The following CPNE4 variants were observed in gnomAD, a reference collection of about 807,000 sequenced individuals.
CPNE4 encodes the protein copine 4.
In CPNE4, 25 loss-of-function variants were observed where a neutral mutation model predicts 67.9. The ratio of observed to expected loss-of-function variants is 0.37; its 90% CI spans 0.27 to 0.51. The LOEUF (loss-of-function observed/expected upper bound fraction) is 0.51, where lower values mean the gene tolerates loss of function less well. CPNE4 is among the 20% of genes least tolerant of loss of function. The probability of loss-of-function intolerance (pLI) is 0.93; values close to 1 mark genes in which losing one functional copy is unlikely to be tolerated. For missense variants in CPNE4, 464 were observed against 690.8 expected (o/e 0.67, Z 3.68); for synonymous variants, 242 against 244.9 (o/e 0.99, Z 0.11).
At position 132,034,850 on chromosome 3, in the gene CPNE4, G is replaced by A. The variant is rs2074312895; in HGVS notation, c.-285C>T. Reference sequence around the variant, plus strand: ...AGGGTGAAAATGTTGGAGATGTCAGGTCGGCTCTCAGTTAACTCGGAGAGT... The same window carrying A: ...AGGGTGAAAATGTTGGAGATGTCAGATCGGCTCTCAGTTAACTCGGAGAGT... On this transcript the variant is annotated 5_prime_UTR_variant, in exon 1 of 16. Transcript: ENST00000429747. 2 of 985,368 alleles carry A rather than the reference G, an allele frequency of 2.0e-6. No individual in the cohort carries two copies. The highest frequency in any genetic ancestry group is 1.7e-5 in the African/African-American group (1 of 57,182). The allele number at this position is 985,368 out of a possible 1,614,324, so 61.0% of individuals were successfully genotyped here.
At chr3:131,571,065 C>T (rs73216411) in intron 10 of CPNE4, among the ~76,000 whole-genome samples, 15,083 of 151,928 alleles carry the variant, frequency 0.099, 1,581 homozygotes, top group African/African-American at 0.27. Context: ...TCACCTATCT[C>T]GTTATGCTGA....
intron 6 of CPNE4, among the ~76,000 whole-genome samples, chr3:131,675,226 A>G (rs1267564272): frequency 6.6e-6 from 1 of 152,118 alleles, no homozygotes; most frequent in Non-Finnish European, 1.5e-5. Flanking sequence ...TTTTGTGATC[A>G]AATACATGGT....
chr3:131,635,328 T>C (rs376224581), intron 7 of CPNE4, among the ~76,000 whole-genome samples: 2 of 152,206 alleles, frequency 1.3e-5, no homozygotes, highest in East Asian at 1.9e-4. Flanking sequence ...GCCCTACTAA[T>C]GTTTAAAAAG....
intron 1 of CPNE4, among the ~76,000 whole-genome samples, chr3:131,939,575 T>C (rs375337296): frequency 6.6e-6 from 1 of 152,032 alleles, no homozygotes; most frequent in East Asian, 1.9e-4. Flanking sequence ...CCCCAGACAG[T>C]CCTGGTTTTC....
intron 1 of CPNE4, among the ~76,000 whole-genome samples, chr3:131,969,671 G>A (rs1450659123): frequency 2.0e-5 from 3 of 152,046 alleles, no homozygotes; most frequent in African/African-American, 7.2e-5. Flanking sequence ...CAGGTCTAAG[G>A]GGCAGCAGGG....
chr3:131,861,148 A>G (rs1262461320), intron 2 of CPNE4, among the ~76,000 whole-genome samples: 4 of 152,210 alleles, frequency 2.6e-5, no homozygotes, highest in Non-Finnish European at 5.9e-5. Flanking sequence ...AGTGATTGTC[A>G]AACATTCCTT....
At chr3:131,828,261 A>G (rs962805003) in intron 2 of CPNE4, among the ~76,000 whole-genome samples, 11 of 152,178 alleles carry the variant, frequency 7.2e-5, no homozygotes, top group Non-Finnish European at 7.3e-5. Context: ...GCAAATGTAT[A>G]TACTCATCTA....
chr3:131,555,630 A>AGTAATGTAGGTT, intron 11 of CPNE4, 79 bp from the exon 12 acceptor site: 4 of 1,260,198 alleles, frequency 3.2e-6, no homozygotes, highest in Non-Finnish European at 4.6e-6. Context: ...ACATTAACCT[A>AGTAATGTAGGTT]CATTACTAGG....
chr3:131,909,060 T>C (rs1371302795), intron 1 of CPNE4, among the ~76,000 whole-genome samples: 4 of 152,146 alleles, frequency 2.6e-5, no homozygotes, highest in Non-Finnish European at 5.9e-5. Context: ...CAAACTTCTA[T>C]AAGCCCATTT....
intron 15 of CPNE4, among the ~76,000 whole-genome samples, chr3:131,538,359 C>G (rs987371108): frequency 6.6e-6 from 1 of 152,216 alleles, no homozygotes; most frequent in Non-Finnish European, 1.5e-5. Context: ...TATTGGACAG[C>G]ATTGTTCCCA....
intron 9 of CPNE4, 141 bp downstream of exon 9, chr3:131,581,438 T>C: frequency 1.6e-6 from 1 of 618,698 alleles, no homozygotes; most frequent in South Asian, 2.0e-5. Context: ...TCATTTTATG[T>C]TCTTTAATAC....
chr3:131,928,357 A>G (rs539231300), intron 1 of CPNE4, among the ~76,000 whole-genome samples: 9 of 152,308 alleles, frequency 5.9e-5, no homozygotes, highest in African/African-American at 1.9e-4. Flanking sequence ...TATTTAACAC[A>G]AAAGCTTTGT....
At chr3:131,678,988 T>C (rs189172886) in intron 6 of CPNE4, among the ~76,000 whole-genome samples, 1 of 152,310 alleles carries the variant, frequency 6.6e-6, no homozygotes, top group Non-Finnish European at 1.5e-5. Flanking sequence ...TTTGAAATAG[T>C]TTCAGTAGTA....
At chr3:131,761,853 T>C (rs944211591) in intron 2 of CPNE4, among the ~76,000 whole-genome samples, 19 of 152,238 alleles carry the variant, frequency 1.2e-4, no homozygotes, top group African/African-American at 4.6e-4. Context: ...AAAATCATAA[T>C]TATCTGGCTG....
At chr3:131,675,155 C>G (rs1194791923) in intron 6 of CPNE4, among the ~76,000 whole-genome samples, 2 of 152,040 alleles carry the variant, frequency 1.3e-5, no homozygotes, top group Non-Finnish European at 2.9e-5. Flanking sequence ...TAGTTTTATG[C>G]CATTGTCATC....
intron 2 of CPNE4, among the ~76,000 whole-genome samples, chr3:131,840,886 G>A (rs1008781812): frequency 6.6e-6 from 1 of 152,124 alleles, no homozygotes; most frequent in Non-Finnish European, 1.5e-5. Context: ...CTCAAGGAGT[G>A]GTGTGACTTC....
chr3:131,561,385 G>T (rs1936755567), intron 11 of CPNE4, among the ~76,000 whole-genome samples: 1 of 151,920 alleles, frequency 6.6e-6, no homozygotes, highest in African/African-American at 2.4e-5. Context: ...GTGTTTTTGT[G>T]TGTGTGTACA....
At chr3:131,611,141 T>A (rs2107741114) in intron 7 of CPNE4, among the ~76,000 whole-genome samples, 1 of 152,298 alleles carries the variant, frequency 6.6e-6, no homozygotes, top group East Asian at 1.9e-4. Flanking sequence ...ATAGATTCAC[T>A]GCCTATAACA....
At chr3:131,941,086 A>C (rs1419337504) in intron 1 of CPNE4, among the ~76,000 whole-genome samples, 2 of 152,100 alleles carry the variant, frequency 1.3e-5, no homozygotes, top group Admixed American at 1.3e-4. Flanking sequence ...ATTTCTTTTT[A>C]ATCTTCATAA....
Sources: allele counts gnomAD v4.1 joint callset (sites outside exome capture counted in the v4.1 genomes callset), GRCh38; gene constraint gnomAD v4.1.1; transcripts MANE v1.5; gene names NCBI Gene and HGNC (gene_info 2026-07-23, HGNC 2026-07-21).